DCAF1: variants seen among roughly 807,000 people sequenced by gnomAD.
DCAF1 encodes the protein DDB1 and CUL4 associated factor 1, also known as DDB1- and CUL4-associated factor 1.
In DCAF1, 15 loss-of-function variants were observed where a neutral mutation model predicts 128.0. The ratio of observed to expected loss-of-function variants is 0.12; its 90% CI spans 0.08 to 0.18. The LOEUF (loss-of-function observed/expected upper bound fraction) is 0.18. Among genes scored for constraint, DCAF1 ranks in the 10% least tolerant of loss-of-function variants. DCAF1 has a pLI of 1.00. For synonymous variants in DCAF1, 610 were observed against 603.0 expected, an observed-to-expected ratio of 1.01 and a Z score of -0.17; for missense variants, 988 against 1,649.5, an observed-to-expected ratio of 0.60 and a Z score of 6.95.
At chr3:51,396,256 C>T (rs1250059192), downstream of DCAF1, 1 of 244,584 alleles carries the variant, frequency 4.1e-6, no homozygotes, top group African/African-American at 2.2e-5. Context: ...GACACTTCAA[C>T]CTTTGCCTTA....
chr3:51,398,988 G>A (rs1448530537), intron 24 of DCAF1, among the ~76,000 whole-genome samples, 161 bp from the exon 25 acceptor site: 1 of 152,220 alleles, frequency 6.6e-6, no homozygotes, highest in Non-Finnish European at 1.5e-5. Context: ...AGCTGGCTCT[G>A]GAGAATACTC....
chr3:51,435,378 T>A (rs1700715919), intron 9 of DCAF1, among the ~76,000 whole-genome samples: 1 of 152,150 alleles, frequency 6.6e-6, no homozygotes, highest in Non-Finnish European at 1.5e-5. Context: ...ACTTTATATA[T>A]ACACACACAC....
chr3:51,479,684 T>C (rs1310916802), intron 3 of DCAF1, among the ~76,000 whole-genome samples: 1 of 152,074 alleles, frequency 6.6e-6, no homozygotes, highest in Non-Finnish European at 1.5e-5. Flanking sequence ...TAGTCCCAGC[T>C]GCTCAGGAAG....
At chr3:51,491,184 G>A (rs1293122068) in intron 2 of DCAF1, among the ~76,000 whole-genome samples, 9 of 151,352 alleles carry the variant, frequency 5.9e-5, no homozygotes, top group South Asian at 2.1e-4. Context: ...CCCATCCCCA[G>A]TAAAAATACA....
At position 51,420,228 on chromosome 3, in the gene DCAF1, G is replaced by A; in HGVS notation, c.2742C>T (p.Gly914=). ...RIANGIATRL[G]SHAAVGASAP... is the part of the protein sequence containing the mutation. ...CAGAGGCACCCACAGCAGCATGGCT[G>A]CCCAGACGAGTTGCAATGCCATTAG... The change falls in exon 15 of 25, where the codon GGC becomes GGT. Residue 914 remains glycine, a synonymous_variant. Transcript: ENST00000684031. The surrounding 1 kb of genome is among the most constrained non-coding windows in gnomAD (Gnocchi z 6.5). The A allele has an allele frequency of 1.2e-6, 2 of 1,614,060 alleles. No individual in the cohort carries two copies. Among genetic ancestry groups the A allele is most frequent in the Non-Finnish European group, 1.7e-6 (2 of 1,179,898 alleles).
chr3:51,398,439 C>A lies in DCAF1; in HGVS notation c.*330G>T. On this transcript the variant is annotated 3_prime_UTR_variant, in exon 25 of 25. Coordinates refer to ENST00000684031, the MANE Select transcript of DCAF1 (RefSeq NM_001387579.1). Reference sequence around the variant, plus strand: ...TATTTCTTGTTCTTTAAGTAAAGAACACTATACAAAGAAAATATATTGTGA... The same window carrying A: ...TATTTCTTGTTCTTTAAGTAAAGAAAACTATACAAAGAAAATATATTGTGA... The A allele has an allele frequency of 4.6e-6, 1 of 217,454 alleles. No homozygotes were observed. Among genetic ancestry groups the A allele is most frequent in the Non-Finnish European group, 9.0e-6 (1 of 111,130 alleles). The allele number at this position is 217,454 out of a possible 1,614,324, so 13.5% of individuals were successfully genotyped here.
chr3:51,425,607 G>T (rs112407391), intron 13 of DCAF1, among the ~76,000 whole-genome samples: 2,340 of 112,658 alleles, frequency 0.021, 42 homozygotes, highest in Middle Eastern at 0.12. Flanking sequence ...CTGTTGCCCC[G>T]GCTAAAGTGC....
At position 51,443,856 on chromosome 3, in the gene DCAF1, T is replaced by C. The variant is rs1002798710; in HGVS notation, c.423A>G (p.Gln141=). The stretch of plus-strand genomic sequence containing the variant: ...GTCCAGTAGAATATGTCCTCAATGG[T>C]TGATCGGCCTCTCGGGCCCATTTGA... ...NLFKWAREAD[Q]PLRTYSTGLL... is the part of the protein sequence containing the mutation. The change falls in exon 7 of 25, where the codon CAA becomes CAG. Residue 141 remains glutamine (Q), a synonymous_variant. Coordinates refer to ENST00000684031, the MANE Select transcript of DCAF1 (RefSeq NM_001387579.1). The C allele has an allele frequency of 6.2e-7, 1 of 1,611,282 alleles. No homozygotes were observed. The highest frequency in any genetic ancestry group is 1.7e-5 in the Admixed American group (1 of 59,094).
intron 9 of DCAF1, among the ~76,000 whole-genome samples, chr3:51,435,407 ACAC>A (rs1700718887): frequency 6.6e-6 from 1 of 152,246 alleles, no homozygotes. Flanking sequence ...ACATGTAGAG[ACAC>A]GTTACTCTAA....
intron 9 of DCAF1, chr3:51,440,106 C>A (rs1701227079): frequency 2.0e-6 from 1 of 492,564 alleles, no homozygotes. Flanking sequence ...ACAACTGAGG[C>A]CACCCCATGT....
At chr3:51,488,896 C>T (rs1459427060) in intron 2 of DCAF1, among the ~76,000 whole-genome samples, 9 of 152,142 alleles carry the variant, frequency 5.9e-5, no homozygotes, top group Middle Eastern at 3.4e-3. Context: ...ACCTGGGAGG[C>T]GGAGGTTGCA....
intron 15 of DCAF1, among the ~76,000 whole-genome samples, chr3:51,419,472 C>T (rs1699200360): frequency 6.6e-6 from 1 of 152,126 alleles, no homozygotes; most frequent in African/African-American, 2.4e-5. Flanking sequence ...TGGGAGCCTC[C>T]TTATGGACAG....
In DCAF1 at chr3:51,441,618, T is replaced by C. The variant is rs1387342273; in HGVS notation, c.793A>G (p.Lys265Glu). Reference sequence around the variant, plus strand: ...CCCTGTTTTGCTGACTTGTTTTTCTTTAATCCTCCATCCTCAGGTTTGGTT... The same window carrying C: ...CCCTGTTTTGCTGACTTGTTTTTCTCTAATCCTCCATCCTCAGGTTTGGTT... ...STTKPEDGGL[K>E]KNKSAKQGDR... The change falls in exon 8 of 25, where the codon AAG (lysine) becomes GAG (glutamate). Residue 265 changes from lysine (K) to glutamate (E), a missense_variant. Lys to Glu is a moderately conservative substitution (Grantham distance 56, BLOSUM62 1). This residue lies in a region of DCAF1 where 210 missense variants were observed against 260.2 expected (regional missense o/e 0.81). Transcript: ENST00000684031. 1.9e-6 allele frequency: 3 copies of C among 1,613,992 alleles called. No individual in the cohort carries two copies. The highest frequency in any genetic ancestry group is 2.5e-6 in the Non-Finnish European group (3 of 1,179,872).
intron 6 of DCAF1, among the ~76,000 whole-genome samples, chr3:51,459,483 G>A (rs1703301267): frequency 6.6e-6 from 1 of 152,166 alleles, no homozygotes; most frequent in Non-Finnish European, 1.5e-5. Context: ...GAGGTACAAA[G>A]AGGAGCTGGT....
chr3:51,475,894 T>C (rs1257269766), intron 3 of DCAF1, among the ~76,000 whole-genome samples: 2 of 151,438 alleles, frequency 1.3e-5, no homozygotes, highest in South Asian at 4.2e-4. Flanking sequence ...TGGAGCCAGA[T>C]TTTCAGGGTT....
intron 11 of DCAF1, 131 bp from the exon 12 acceptor site, chr3:51,429,601 T>C (rs1553635049): frequency 3.2e-6 from 2 of 630,056 alleles, no homozygotes; most frequent in Non-Finnish European, 5.7e-6. Flanking sequence ...TATGTATCAG[T>C]AAACTTTTAT....
At chr3:51,442,127 T>G (rs1553638994) in intron 7 of DCAF1, among the ~76,000 whole-genome samples, 2 of 152,168 alleles carry the variant, frequency 1.3e-5, no homozygotes. Context: ...CCAGAAGATT[T>G]GCACATAAAA....
At chr3:51,479,577 A>AG (rs1553652011) in intron 3 of DCAF1, among the ~76,000 whole-genome samples, 1 of 151,966 alleles carries the variant, frequency 6.6e-6, no homozygotes, top group African/African-American at 2.4e-5. Flanking sequence ...TCATGAGGGC[A>AG]GGAGATCGAG....
intron 23 of DCAF1, among the ~76,000 whole-genome samples, chr3:51,406,179 T>C (rs928454764): frequency 1.3e-5 from 2 of 151,130 alleles, no homozygotes; most frequent in Admixed American, 6.6e-5. Context: ...CCGTCTCTAT[T>C]AAAAATACAA....
Sources: gnomAD v4.1 joint callset for allele counts (sites outside exome capture counted in the v4.1 genomes callset) on GRCh38, gnomAD v4.1.1 for gene constraint, gnomAD v4.1.1 regional missense constraint, Gnocchi (gnomAD v3.1) non-coding constraint, MANE v1.5 for transcripts, NCBI Gene and HGNC (gene_info 2026-07-23, HGNC 2026-07-21) for gene names.